NSMCE2: variants seen among roughly 807,000 people sequenced by gnomAD.
The protein encoded by NSMCE2 is NSE2 SUMO ligase component of SMC5/6 complex.
NSMCE2 carries 24 observed loss-of-function variants against 23.8 expected under a neutral mutation model. The observed-to-expected ratio is 1.01, with a 90% CI of 0.73 to 1.42. The LOEUF is 1.42. NSMCE2 is among the 40% of genes most tolerant of loss of function. NSMCE2 has a pLI of 0.00. For synonymous variants in NSMCE2, 92 were observed against 94.1 expected (o/e 0.98, Z 0.13); for missense variants, 284 against 296.5 (o/e 0.96, Z 0.31).
At chr8:125,188,878 A>G (rs2130821194) in intron 5 of NSMCE2, among the ~76,000 whole-genome samples, 1 of 152,340 alleles carries the variant, frequency 6.6e-6, no homozygotes, top group Non-Finnish European at 1.5e-5. Context: ...ATCCAGATGC[A>G]GGTGAACAGT....
chr8:125,343,690 A>G (rs1830329898), intron 5 of NSMCE2, among the ~76,000 whole-genome samples: 2 of 152,108 alleles, frequency 1.3e-5, no homozygotes, highest in South Asian at 2.1e-4. Context: ...AAGGGATCCA[A>G]GAAGTTTAAA....
rs566729397 is a variant in NSMCE2, at chr8:125,199,485, C to T, written c.418+17229C>T. ...GTTGTTCAGTTTCCATGTAGTTGTG[C>T]GGTTTTAAATGAGTTTCTTAATCCT... On this transcript the variant is annotated intron_variant, in intron 5 of 7. Transcript: ENST00000287437. 7.2e-5 allele frequency among the ~76,000 whole-genome samples: 11 copies of T among 152,232 alleles called. 1 individual carries two copies. Among genetic ancestry groups the T allele is most frequent in the East Asian group, 5.8e-4 (3 of 5,186 alleles).
intron 5 of NSMCE2, among the ~76,000 whole-genome samples, chr8:125,326,283 AT>A (rs1394303390): frequency 2.6e-5 from 4 of 152,170 alleles, no homozygotes; most frequent in African/African-American, 9.6e-5. Context: ...AATAATAAAA[AT>A]AAAAATCAAG....
intron 3 of NSMCE2, among the ~76,000 whole-genome samples, chr8:125,132,033 A>G (rs1338191031): frequency 6.6e-6 from 1 of 152,226 alleles, no homozygotes; most frequent in African/African-American, 2.4e-5. Context: ...AAATTAAGCC[A>G]AGAAATAATT....
intron 5 of NSMCE2, among the ~76,000 whole-genome samples, chr8:125,190,959 C>CT (rs955193632): frequency 6.6e-6 from 1 of 152,120 alleles, no homozygotes; most frequent in African/African-American, 2.4e-5. Context: ...CAACCTCTGC[C>CT]TCCCAGGTTC....
intron 5 of NSMCE2, among the ~76,000 whole-genome samples, chr8:125,213,705 C>CT (rs1375574699): frequency 2.1e-3 from 77 of 37,292 alleles, no homozygotes; most frequent in Admixed American, 6.9e-3. Context: ...CTTTCCCTCC[C>CT]TCCCTTCCTT....
chr8:125,290,450 C>T (rs1339360690), intron 5 of NSMCE2, among the ~76,000 whole-genome samples: 2 of 152,086 alleles, frequency 1.3e-5, no homozygotes, highest in African/African-American at 4.8e-5. Flanking sequence ...ATCTCTACTT[C>T]TTTGCATGAC....
intron 3 of NSMCE2, among the ~76,000 whole-genome samples, chr8:125,116,604 G>A (rs1386192522): frequency 6.6e-6 from 1 of 152,138 alleles, no homozygotes; most frequent in Non-Finnish European, 1.5e-5. Context: ...ACACATGGGA[G>A]TGTCTGTGTT....
intron 3 of NSMCE2, among the ~76,000 whole-genome samples, chr8:125,106,930 A>G (rs1241067712): frequency 6.6e-6 from 1 of 151,090 alleles, no homozygotes; most frequent in Admixed American, 6.6e-5. Flanking sequence ...CTGGGGGCGG[A>G]GGTTGCAGTG....
At chr8:125,280,625 A>T (rs142462680) in intron 5 of NSMCE2, among the ~76,000 whole-genome samples, 1 of 152,224 alleles carries the variant, frequency 6.6e-6, no homozygotes, top group African/African-American at 2.4e-5. Flanking sequence ...TAAAAAAGAA[A>T]GTATTTGAAG....
At chr8:125,339,090 C>T (rs1321202666) in intron 5 of NSMCE2, among the ~76,000 whole-genome samples, 1 of 152,176 alleles carries the variant, frequency 6.6e-6, no homozygotes, top group African/African-American at 2.4e-5. Flanking sequence ...TTTTAAAAAG[C>T]TCTCTGGCAC....
chr8:125,121,397 A>G (rs1271749414), intron 3 of NSMCE2, among the ~76,000 whole-genome samples: 1 of 152,122 alleles, frequency 6.6e-6, no homozygotes, highest in Admixed American at 6.5e-5. Flanking sequence ...AGGTTGGTTG[A>G]TTGCCACTGT....
chr8:125,143,959 C>A (rs75386687), intron 3 of NSMCE2, among the ~76,000 whole-genome samples: 1 of 152,090 alleles, frequency 6.6e-6, no homozygotes, highest in African/African-American at 2.4e-5. Flanking sequence ...TGGCTGAGAT[C>A]ATAGGAAACA....
intron 3 of NSMCE2, among the ~76,000 whole-genome samples, chr8:125,105,834 AAAAG>A (rs1357771089): frequency 6.6e-6 from 1 of 152,190 alleles, no homozygotes; most frequent in Non-Finnish European, 1.5e-5. Context: ...AGTAATTTTT[AAAAG>A]AAAGATGTAT....
chr8:125,141,268 C>T (rs935092065), intron 3 of NSMCE2, among the ~76,000 whole-genome samples: 4 of 152,154 alleles, frequency 2.6e-5, no homozygotes, highest in Non-Finnish European at 5.9e-5. Flanking sequence ...ATCAGTCTCT[C>T]TTTCATTTTC....
intron 5 of NSMCE2, among the ~76,000 whole-genome samples, chr8:125,210,522 C>G (rs1370389235): frequency 6.6e-6 from 1 of 152,096 alleles, no homozygotes; most frequent in Non-Finnish European, 1.5e-5. Flanking sequence ...GAAATACATA[C>G]TATAGAAGAA....
intron 5 of NSMCE2, among the ~76,000 whole-genome samples, chr8:125,263,566 A>G (rs577402396): frequency 2.5e-4 from 38 of 152,278 alleles, no homozygotes; most frequent in African/African-American, 8.7e-4. Flanking sequence ...CGTTGCCAAC[A>G]TGGTGAAACC....
rs71510323 is a variant in NSMCE2, at chr8:125,272,728, T to C, written c.419-84491T>C. Among the ~76,000 whole-genome samples, 30 of 142,990 alleles carry C rather than the reference T, an allele frequency of 2.1e-4. 2 individuals carry two copies. Among genetic ancestry groups the C allele is most frequent in the South Asian group, 1.1e-3 (5 of 4,690 alleles). 93.8% of individuals were successfully genotyped at this position (142,990 alleles called of 152,430 possible). A position where few individuals can be genotyped will look rare whatever the true frequency, so the allele number is the denominator to read the frequency against. Reference sequence around the variant, plus strand: ...TATATATATATATAATATATATATATACACACACACACATATATATACACA... The same window carrying C: ...TATATATATATATAATATATATATACACACACACACACATATATATACACA... On this transcript the variant is annotated intron_variant, in intron 5 of 7. Transcript: ENST00000287437.
intron 5 of NSMCE2, among the ~76,000 whole-genome samples, chr8:125,300,156 A>C (rs1828503677): frequency 6.6e-6 from 1 of 150,982 alleles, no homozygotes. Flanking sequence ...GGGTCACTTC[A>C]AGGGCTGTGC....
Sources: allele counts gnomAD v4.1 joint callset (sites outside exome capture counted in the v4.1 genomes callset), GRCh38; gene constraint gnomAD v4.1.1; transcripts MANE v1.5; gene names NCBI Gene and HGNC (gene_info 2026-07-23, HGNC 2026-07-21).